Variants in PTPRD observed in about 807,000 individuals in gnomAD.
PTPRD encodes receptor-type tyrosine-protein phosphatase delta.
Under a neutral mutation model 214.5 loss-of-function variants are expected in PTPRD, and 34 were observed. The observed-to-expected ratio is 0.16, with a 90% CI of 0.12 to 0.21. PTPRD has a LOEUF of 0.21. PTPRD is among the 10% of genes least tolerant of loss of function. The pLI is 1.00. For synonymous variants in PTPRD, 1,128 were observed against 845.7 expected, an observed-to-expected ratio of 1.33 and a Z score of -5.79; for missense variants, 2,545 against 2,398.7, an observed-to-expected ratio of 1.06 and a Z score of -1.27.
chr9:9,556,855 T>A (rs2081638827), intron 8 of PTPRD, among the ~76,000 whole-genome samples: 1 of 152,150 alleles, frequency 6.6e-6, no homozygotes, highest in South Asian at 2.1e-4. Flanking sequence ...GTCCTTTCGT[T>A]ATCAGAAAAG....
At chr9:10,415,226 G>A (rs963489244) in intron 2 of PTPRD, among the ~76,000 whole-genome samples, 5 of 151,802 alleles carry the variant, frequency 3.3e-5, no homozygotes, top group African/African-American at 1.2e-4. Context: ...GGGTAATTGA[G>A]ATTATATACA....
At chr9:9,967,153 G>T (rs183878956) in intron 4 of PTPRD, among the ~76,000 whole-genome samples, 10 of 152,216 alleles carry the variant, frequency 6.6e-5, no homozygotes, top group Admixed American at 5.9e-4. Context: ...CTTATTATCT[G>T]CACATTCTTA....
At chr9:8,928,167 A>T (rs893790185) in intron 11 of PTPRD, among the ~76,000 whole-genome samples, 5 of 152,118 alleles carry the variant, frequency 3.3e-5, no homozygotes, top group South Asian at 2.1e-4. Context: ...GTTTACTCTG[A>T]CGATAGTTTC....
intron 14 of PTPRD, among the ~76,000 whole-genome samples, chr9:8,587,939 G>A (rs905782617): frequency 1.3e-5 from 2 of 152,228 alleles, no homozygotes; most frequent in African/African-American, 2.4e-5. Flanking sequence ...GAATTAAGGA[G>A]TAAATAATAG....
intron 7 of PTPRD, among the ~76,000 whole-genome samples, chr9:9,650,528 G>A: frequency 6.6e-6 from 1 of 151,754 alleles, no homozygotes; most frequent in South Asian, 2.1e-4. Flanking sequence ...TTCTTTTTTT[G>A]TTGTATCTTT....
rs529678544 is a variant in PTPRD at position 10,602,033 on chromosome 9, A to T, written c.-600+10365T>A. On this transcript the variant is annotated intron_variant, in intron 2 of 45. Coordinates refer to ENST00000381196, the MANE Select transcript of PTPRD (RefSeq NM_002839.4). ...AAGAGATTTGGTGCTCATGAAATAA[A>T]TGTCACAAAACAACTCAACTTTAAC... Among the ~76,000 whole-genome samples the T allele has an allele frequency of 2.0e-5, 3 of 151,952 alleles. No homozygotes were observed. In the South Asian group the frequency reaches 6.2e-4, roughly 31 times the overall value.
chr9:9,782,037 C>T (rs1047264040), intron 5 of PTPRD, among the ~76,000 whole-genome samples: 6 of 152,034 alleles, frequency 3.9e-5, no homozygotes, highest in African/African-American at 7.2e-5. Context: ...TATGATCTGC[C>T]GTCTCAGCCT....
intron 14 of PTPRD, among the ~76,000 whole-genome samples, 187 bp from the exon 15 acceptor site, chr9:8,528,966 G>A (rs1230797292): frequency 2.0e-5 from 3 of 152,098 alleles, no homozygotes; most frequent in Non-Finnish European, 4.4e-5. Flanking sequence ...CTCTATGTAA[G>A]AGGCCAACAG....
chr9:10,506,188 A>G (rs987775573), intron 2 of PTPRD, among the ~76,000 whole-genome samples: 1 of 151,686 alleles, frequency 6.6e-6, no homozygotes, highest in Non-Finnish European at 1.5e-5. Context: ...ATACTTTTAA[A>G]GCTTCAAGAC....
intron 2 of PTPRD, among the ~76,000 whole-genome samples, chr9:10,607,140 A>G (rs1051234884): frequency 6.6e-6 from 1 of 151,876 alleles, no homozygotes; most frequent in African/African-American, 2.4e-5. Context: ...CCTTTTTAGC[A>G]TCTAATGTAA....
intron 2 of PTPRD, among the ~76,000 whole-genome samples, chr9:10,418,719 A>G (rs2098518308): frequency 2.0e-5 from 3 of 151,808 alleles, no homozygotes; most frequent in South Asian, 4.1e-4. Context: ...ATAGGTACTC[A>G]TTAATAATAA....
Position 10,503,710 on chromosome 9 carries a change from T to C in PTPRD, c.-600+108688A>G, listed in dbSNP as rs532569035. Reference sequence around the variant, plus strand: ...ACACTTTAGTAGGCCAGATTAAAGATAAATGAATAGACTATATGGTGGGTG... The same window carrying C: ...ACACTTTAGTAGGCCAGATTAAAGACAAATGAATAGACTATATGGTGGGTG... On this transcript the variant is annotated intron_variant, in intron 2 of 45. Transcript: ENST00000381196. 7.9e-5 allele frequency among the ~76,000 whole-genome samples: 12 copies of C among 152,088 alleles called. No homozygotes were observed. The East Asian group carries it at 1.7e-3, about 22-fold the overall frequency.
At chr9:9,555,216 T>G (rs1413181284) in intron 8 of PTPRD, among the ~76,000 whole-genome samples, 1 of 152,108 alleles carries the variant, frequency 6.6e-6, no homozygotes, top group Admixed American at 6.6e-5. Flanking sequence ...TTATTTCTTA[T>G]GCTTCTAGAA....
chr9:9,007,725 G>A (rs1453517667), intron 11 of PTPRD, among the ~76,000 whole-genome samples: 1 of 101,004 alleles, frequency 9.9e-6, no homozygotes, highest in Non-Finnish European at 2.2e-5. Context: ...CCTGTTACTT[G>A]GATCCTTTTT....
intron 14 of PTPRD, among the ~76,000 whole-genome samples, chr9:8,578,699 G>A (rs1394394384): frequency 1.3e-5 from 2 of 151,998 alleles, no homozygotes; most frequent in African/African-American, 2.4e-5. Flanking sequence ...ATCAGGACTG[G>A]GCTTAACATG....
rs560357734 is a variant in PTPRD, at chr9:10,111,460, G to A, written c.-544-77670C>T. On this transcript the variant is annotated intron_variant, in intron 3 of 45. Coordinates refer to ENST00000381196, the MANE Select transcript of PTPRD (RefSeq NM_002839.4). Reference sequence around the variant, plus strand: ...TCACCGTTTTAGCCGGGATGGTCTCGATCTCCTGACCTCGTGATCCGCCCG... The same window carrying A: ...TCACCGTTTTAGCCGGGATGGTCTCAATCTCCTGACCTCGTGATCCGCCCG... Among the ~76,000 whole-genome samples the A allele has an allele frequency of 1.1e-4, 17 of 151,310 alleles. No individual in the cohort carries two copies. The East Asian group carries it at 3.1e-3, about 28-fold the overall frequency.
chr9:9,374,586 G>A (rs912796414), intron 9 of PTPRD, among the ~76,000 whole-genome samples: 5 of 152,142 alleles, frequency 3.3e-5, no homozygotes, highest in Non-Finnish European at 7.3e-5. Flanking sequence ...TGCTTCCACT[G>A]AATTAAGTCT....
intron 44 of PTPRD, among the ~76,000 whole-genome samples, chr9:8,328,230 C>T (rs958033592): frequency 6.6e-6 from 1 of 152,154 alleles, no homozygotes; most frequent in African/African-American, 2.4e-5. Context: ...CAAAATCTCT[C>T]AGCATTTGCT....
At chr9:9,736,221 C>G (rs2098291931) in intron 6 of PTPRD, among the ~76,000 whole-genome samples, 1 of 152,046 alleles carries the variant, frequency 6.6e-6, no homozygotes. Flanking sequence ...GTCAAAGTAT[C>G]TGGATTTTTT....
Sources: gnomAD v4.1 joint callset for allele counts (sites outside exome capture counted in the v4.1 genomes callset) on GRCh38, gnomAD v4.1.1 for gene constraint, MANE v1.5 for transcripts, NCBI Gene and HGNC (gene_info 2026-07-23, HGNC 2026-07-21) for gene names.